NKAIN3: variants seen among roughly 807,000 people sequenced by gnomAD.
The protein encoded by NKAIN3 is sodium/potassium transporting ATPase interacting 3.
A neutral mutation model predicts 30.2 loss-of-function variants in NKAIN3; 25 were observed. The observed-to-expected ratio is 0.83, with a 90% CI of 0.60 to 1.16. The LOEUF (loss-of-function observed/expected upper bound fraction) is 1.16, where lower values mean the gene tolerates loss of function less well. NKAIN3 is among the 50% of genes most tolerant of loss of function. NKAIN3 has a pLI of 0.00. For missense variants in NKAIN3, 225 were observed against 254.1 expected (o/e 0.89, Z 0.78); for synonymous variants, 91 against 89.6 (o/e 1.02, Z -0.09).
rs200842393 is a variant in NKAIN3 at position 62,939,846 on chromosome 8, GA to G, written c.533-14047del. Among the ~76,000 whole-genome samples the G allele has an allele frequency of 3.3e-3, 493 of 148,904 alleles. 3 individuals are homozygous for G. Among genetic ancestry groups the G allele is most frequent in the African/African-American group, 0.012 (472 of 40,668 alleles). Reference sequence around the variant, plus strand: ...AGGACCTATAAAACAATAATACAATGAAAAAAAAAGCAAGGTATTCAGGCAA... The same window carrying G: ...AGGACCTATAAAACAATAATACAATGAAAAAAAAGCAAGGTATTCAGGCAA... On this transcript the variant is annotated intron_variant, in intron 5 of 6. Coordinates refer to ENST00000623646, the MANE Select transcript of NKAIN3 (RefSeq NM_001304533.3).
chr8:62,372,504 A>G (rs1252734909), intron 1 of NKAIN3, among the ~76,000 whole-genome samples: 1 of 152,010 alleles, frequency 6.6e-6, no homozygotes, highest in Non-Finnish European at 1.5e-5. Context: ...ACCTTTAGAC[A>G]TTCATCCATT....
chr8:62,571,652 G>A (rs966387511), intron 1 of NKAIN3, among the ~76,000 whole-genome samples: 2 of 152,078 alleles, frequency 1.3e-5, no homozygotes, highest in South Asian at 2.1e-4. Flanking sequence ...CTTCTGCTGG[G>A]CATCCAGGCA....
chr8:62,416,205 A>G lies in NKAIN3; in HGVS notation c.55-163334A>G, dbSNP rs187073009. Among the ~76,000 whole-genome samples, 15 of 152,316 alleles carry G rather than the reference A, an allele frequency of 9.8e-5. No individual in the cohort carries two copies. In the East Asian group the frequency reaches 2.5e-3, roughly 25 times the overall value. ...TCCACTCTTTGCCTTCCAGCCGTCT[A>G]CCATCTACAATTCATACTCATTAAG... is the stretch of plus-strand genomic sequence containing the variant. On this transcript the variant is annotated intron_variant, in intron 1 of 6. Coordinates refer to ENST00000623646, the MANE Select transcript of NKAIN3 (RefSeq NM_001304533.3).
At position 62,711,951 on chromosome 8, in the gene NKAIN3, C is replaced by T. The variant is rs536905515; in HGVS notation, c.274-34981C>T. 2.6e-5 allele frequency among the ~76,000 whole-genome samples: 4 copies of T among 152,296 alleles called. No individual in the cohort carries two copies. In the South Asian group the frequency reaches 8.3e-4, roughly 32 times the overall value. On this transcript the variant is annotated intron_variant, in intron 3 of 6. Coordinates refer to ENST00000623646, the MANE Select transcript of NKAIN3 (RefSeq NM_001304533.3). ...GGTGTTCCCTTGATGAAGTACTCTT[C>T]CCCTTTTCCTATGGATGTGGCTTCC...
At chr8:62,446,694 C>A (rs374601477) in intron 1 of NKAIN3, among the ~76,000 whole-genome samples, 1 of 152,052 alleles carries the variant, frequency 6.6e-6, no homozygotes, top group African/African-American at 2.4e-5. Context: ...ACGTCAGGTA[C>A]CTCATATAGG....
chr8:62,643,250 A>G (rs866579235), intron 3 of NKAIN3, among the ~76,000 whole-genome samples: 5 of 152,150 alleles, frequency 3.3e-5, no homozygotes, highest in Admixed American at 2.6e-4. Flanking sequence ...TTAATGTGCT[A>G]AGAATAAAAA....
chr8:62,788,855 C>T lies in NKAIN3; in HGVS notation c.471+41726C>T, dbSNP rs1250499437. Reference sequence around the variant, plus strand: ...AGATCAGATAGTTGTAGATATGCGGCATTATTTCTGAGGGCTCTGTTCTGT... The same window carrying T: ...AGATCAGATAGTTGTAGATATGCGGTATTATTTCTGAGGGCTCTGTTCTGT... On this transcript the variant is annotated intron_variant, in intron 4 of 6. Transcript: ENST00000623646. 3.9e-5 allele frequency among the ~76,000 whole-genome samples: 6 copies of T among 151,968 alleles called. No homozygotes were observed. In the East Asian group the frequency reaches 1.2e-3, roughly 29 times the overall value.
chr8:62,350,135 GA>G (rs1816135641), intron 1 of NKAIN3, among the ~76,000 whole-genome samples: 1 of 152,166 alleles, frequency 6.6e-6, no homozygotes, highest in African/African-American at 2.4e-5. Flanking sequence ...ATATGCAAAA[GA>G]GTTGGGACTC....
In NKAIN3 at chr8:62,968,114, C is replaced by T. The variant is rs189534467; in HGVS notation, c.*2707C>T. On this transcript the variant is annotated 3_prime_UTR_variant, in exon 7 of 7. Coordinates refer to ENST00000623646, the MANE Select transcript of NKAIN3 (RefSeq NM_001304533.3). ...ATTGTCCTAACATTCTGGATATTTG[C>T]CACTCATCAGAAACAAGTTAGATTG... is the stretch of plus-strand genomic sequence containing the variant. Among the ~76,000 whole-genome samples, 39 of 152,324 alleles carry T rather than the reference C, an allele frequency of 2.6e-4. No homozygotes were observed. The East Asian group carries it at 6.6e-3, about 26-fold the overall frequency.
chr8:62,578,035 T>A (rs1810171584), intron 1 of NKAIN3, among the ~76,000 whole-genome samples: 1 of 152,074 alleles, frequency 6.6e-6, no homozygotes, highest in Non-Finnish European at 1.5e-5. Flanking sequence ...CAGGGAGCCA[T>A]TTTCATTTCA....
At chr8:62,437,320 AG>A (rs1805200247) in intron 1 of NKAIN3, among the ~76,000 whole-genome samples, 1 of 152,234 alleles carries the variant, frequency 6.6e-6, no homozygotes. Context: ...TAGAAACGTA[AG>A]GCTTTATCAC....
intron 1 of NKAIN3, among the ~76,000 whole-genome samples, chr8:62,401,242 A>G (rs760323272): frequency 2.0e-5 from 3 of 152,058 alleles, no homozygotes; most frequent in African/African-American, 4.8e-5. Context: ...CAGTGAGTCA[A>G]TTGCATTTTT....
chr8:62,736,627 C>CA (rs1815685449), intron 3 of NKAIN3, among the ~76,000 whole-genome samples: 3 of 152,132 alleles, frequency 2.0e-5, no homozygotes, highest in South Asian at 2.1e-4. Context: ...ACTGAGAAAG[C>CA]AAGCAGGGCT....
At chr8:62,959,529 C>T (rs1216405660) in intron 6 of NKAIN3, among the ~76,000 whole-genome samples, 1 of 151,140 alleles carries the variant, frequency 6.6e-6, no homozygotes, top group African/African-American at 2.4e-5. Context: ...CAGCAATCAC[C>T]AGCCATGTGT....
At chr8:62,764,557 T>C (rs557337546) in intron 4 of NKAIN3, among the ~76,000 whole-genome samples, 3 of 152,224 alleles carry the variant, frequency 2.0e-5, no homozygotes, top group African/African-American at 7.2e-5. Flanking sequence ...CTTGAACTCC[T>C]GGGCTCAAGC....
chr8:62,359,151 C>T (rs1816460765), intron 1 of NKAIN3, among the ~76,000 whole-genome samples: 1 of 152,212 alleles, frequency 6.6e-6, no homozygotes. Flanking sequence ...CACTGCACTC[C>T]AGCCTGGGTG....
intron 3 of NKAIN3, among the ~76,000 whole-genome samples, chr8:62,608,370 A>T (rs996130187): frequency 6.6e-6 from 1 of 152,190 alleles, no homozygotes; most frequent in Non-Finnish European, 1.5e-5. Flanking sequence ...TTAGTATTAG[A>T]CCATAGCTCT....
chr8:62,812,943 G>T (rs922145741), intron 4 of NKAIN3, among the ~76,000 whole-genome samples: 1 of 151,822 alleles, frequency 6.6e-6, no homozygotes, highest in South Asian at 2.1e-4. Flanking sequence ...TTCTGTGTTT[G>T]TTATCTTTTC....
chr8:62,382,434 AG>A (rs2061723315), intron 1 of NKAIN3, among the ~76,000 whole-genome samples: 1 of 152,120 alleles, frequency 6.6e-6, no homozygotes, highest in South Asian at 2.1e-4. Context: ...AACTAGAGGC[AG>A]GCATAATTTT....
Sources: allele counts gnomAD v4.1 joint callset (sites outside exome capture counted in the v4.1 genomes callset), GRCh38; gene constraint gnomAD v4.1.1; transcripts MANE v1.5; gene names NCBI Gene and HGNC (gene_info 2026-07-23, HGNC 2026-07-21).